The following E2F7 variants were observed in gnomAD, a reference collection of about 807,000 sequenced individuals.
The protein encoded by E2F7 is E2F transcription factor 7, also known as transcription factor E2F7.
E2F7 carries 35 observed loss-of-function variants against 81.1 expected under a neutral mutation model. That is an observed-to-expected ratio of 0.43 (90% CI 0.33 to 0.57). The LOEUF is 0.57. Ranked by LOEUF, E2F7 falls within the 20% of genes least tolerant of loss-of-function variation. E2F7 has a pLI of 0.04. For missense variants in E2F7, 961 were observed against 1,093.7 expected (o/e 0.88, Z 1.71); for synonymous variants, 416 against 416.2 (o/e 1.00, Z 0.01).
Position 77,025,614 on chromosome 12 carries a change from G to T in E2F7, c.2509C>A (p.Gln837Lys), listed in dbSNP as rs1954750553. ...VMSRSHSVVQ[Q>K]PESPVYVGHP... is the part of the protein sequence containing the mutation. ...CCCACGTAAACGGGGGACTCAGGTTGTTGGACGACACTGTGTGACCTTGAC... is the reference window on the plus strand; with the variant it reads ...CCCACGTAAACGGGGGACTCAGGTTTTTGGACGACACTGTGTGACCTTGAC... Residue 837 changes from glutamine (Q) to lysine (K), a missense_variant, in exon 12 of 13, where the codon CAA becomes AAA. Physicochemically the swap from Gln to Lys is moderately conservative, Grantham distance 53. Coordinates refer to ENST00000322886, the MANE Select transcript of E2F7 (RefSeq NM_203394.3). The T allele has an allele frequency of 6.2e-7, 1 of 1,614,208 alleles. No individual in the cohort carries two copies. Among genetic ancestry groups the T allele is most frequent in the Non-Finnish European group, 8.5e-7 (1 of 1,180,050 alleles).
chr12:77,024,327 C>G (rs1954741146), intron 12 of E2F7, 142 bp from the exon 13 acceptor site: 1 of 862,100 alleles, frequency 1.2e-6, no homozygotes, highest in African/African-American at 1.7e-5. Flanking sequence ...ACACTTACCC[C>G]GTTTGTCTCC....
At chr12:77,052,326 A>G (rs1954996807) in intron 3 of E2F7, among the ~76,000 whole-genome samples, 1 of 152,164 alleles carries the variant, frequency 6.6e-6, no homozygotes, top group Non-Finnish European at 1.5e-5. Flanking sequence ...ATTTTACCTG[A>G]TATCAGTGCT....
Position 77,023,459 on chromosome 12 carries a change from G to A in E2F7, c.*556C>T, listed in dbSNP as rs369653168. The A allele has an allele frequency of 6.6e-6, 1 of 152,624 alleles. No homozygotes were observed. The highest frequency in any genetic ancestry group is 6.5e-5 in the Admixed American group (1 of 15,270). The allele number at this position is 152,624 out of a possible 1,614,324, so 9.5% of individuals were successfully genotyped here. On this transcript the variant is annotated 3_prime_UTR_variant, in exon 13 of 13. Coordinates refer to ENST00000322886, the MANE Select transcript of E2F7 (RefSeq NM_203394.3). ...GAATAAAAGTATAAACATTCAAGTC[G>A]TCATACCCTGAAAAAAATGTGTTAA... is the stretch of plus-strand genomic sequence containing the variant.
intron 7 of E2F7, among the ~76,000 whole-genome samples, chr12:77,038,784 G>A (rs1013655433): frequency 6.6e-6 from 1 of 152,170 alleles, no homozygotes; most frequent in African/African-American, 2.4e-5. Context: ...TTAAAAAATT[G>A]TAATCTGTAG....
chr12:77,043,389 G>C (rs1231631204), intron 6 of E2F7, among the ~76,000 whole-genome samples, 190 bp from the exon 7 acceptor site: 1 of 151,986 alleles, frequency 6.6e-6, no homozygotes. Flanking sequence ...TGAAGGCTAA[G>C]GGAAGGTCAG....
At chr12:77,042,949 A>C (rs781013052) in intron 7 of E2F7, 116 bp downstream of exon 7, 1 of 1,513,130 alleles carries the variant, frequency 6.6e-7, no homozygotes, top group Non-Finnish European at 9.0e-7. Context: ...TCACTAGTCT[A>C]TTTTGTATGT....
rs780243714 is a variant in E2F7 at position 77,033,086 on chromosome 12, G to A, written c.1346C>T (p.Ala449Val). The change falls in exon 9 of 13, where the codon GCA (alanine) becomes GTA (valine). Residue 449 changes from alanine (A) to valine (V), a missense_variant. Physicochemically the swap from Ala to Val is moderately conservative, Grantham distance 64. This residue lies in a region of E2F7 where 587 missense variants were observed against 620.3 expected (regional missense o/e 0.95). Coordinates refer to ENST00000322886, the MANE Select transcript of E2F7 (RefSeq NM_203394.3). ...TTCTATTTTCTGTCTATAGACAGCT[G>A]CCAGGCTTCCAATTTCTAAAGAGTA... is the stretch of plus-strand genomic sequence containing the variant. ...GGYSLEIGSL[A>V]AVYRQKIEDN... The A allele has an allele frequency of 1.2e-6, 2 of 1,613,834 alleles. No homozygotes were observed. The highest frequency in any genetic ancestry group is 2.2e-5 in the South Asian group (2 of 91,032).
chr12:77,026,093 A>G (rs745367005), intron 11 of E2F7, 111 bp from the exon 12 acceptor site: 28 of 1,267,266 alleles, frequency 2.2e-5, no homozygotes, highest in Non-Finnish European at 2.3e-5. Context: ...AAATCAATGA[A>G]TGATGAGACC....
chr12:77,025,879 TA>T lies in E2F7; in HGVS notation c.2243del (p.Leu748TyrfsTer34). Reference protein sequence around the residue: ...LPSFSVPCMVLPSPPLGPFPV... With the variant: ...LPSFSVPCMVXPSPPLGPFPV... ...GAAAAGGGCCCAGAGGTGGAGATGG[TA>T]AGACCATGCAAGGGACACTGAAAGA... On this transcript the variant is annotated frameshift_variant, in exon 12 of 13. Transcript: ENST00000322886. LOFTEE classifies it high-confidence loss of function. The T allele has an allele frequency of 6.2e-7, 1 of 1,613,998 alleles. No homozygotes were observed. Among genetic ancestry groups the T allele is most frequent in the Non-Finnish European group, 8.5e-7 (1 of 1,179,976 alleles).
intron 7 of E2F7, among the ~76,000 whole-genome samples, chr12:77,036,891 G>A (rs901978634): frequency 1.3e-5 from 2 of 151,988 alleles, no homozygotes; most frequent in African/African-American, 4.8e-5. Context: ...ACAGGCGCCC[G>A]CCACCACGCC....
chr12:77,045,217 A>G (rs548504189), intron 5 of E2F7, among the ~76,000 whole-genome samples: 1 of 152,320 alleles, frequency 6.6e-6, no homozygotes, highest in Admixed American at 6.5e-5. Context: ...TGTGTCCGCA[A>G]TATCTAGACT....
At position 77,023,833 on chromosome 12, in the gene E2F7, A is replaced by G; in HGVS notation, c.*182T>C. The stretch of plus-strand genomic sequence containing the variant: ...ATGCAGAGTCGGAACTCTAACTGGT[A>G]TTAAATGCACAATTAATTACTTTCA... On this transcript the variant is annotated 3_prime_UTR_variant, in exon 13 of 13. Coordinates refer to ENST00000322886, the MANE Select transcript of E2F7 (RefSeq NM_203394.3). The G allele has an allele frequency of 1.4e-6, 1 of 713,690 alleles. No individual in the cohort carries two copies. The highest frequency in any genetic ancestry group is 2.2e-6 in the Non-Finnish European group (1 of 451,148). 44.2% of individuals were successfully genotyped at this position (713,690 alleles called of 1,614,324 possible).
chr12:77,034,555 C>A (rs556063419), intron 7 of E2F7, among the ~76,000 whole-genome samples: 1 of 152,218 alleles, frequency 6.6e-6, no homozygotes, highest in African/African-American at 2.4e-5. Flanking sequence ...TACTACGTGA[C>A]CAAAGGAATA....
chr12:77,049,729 G>C (rs1954970933), intron 4 of E2F7, among the ~76,000 whole-genome samples: 1 of 152,034 alleles, frequency 6.6e-6, no homozygotes, highest in East Asian at 1.9e-4. Context: ...TCCTCTACTT[G>C]GGCACATTTC....
In E2F7 at chr12:77,023,946, T is replaced by A. The variant is rs867554087; in HGVS notation, c.*69A>T. Reference sequence around the variant, plus strand: ...GACCCGTGCTCAGGACGGGATGGTTTGCATCCCGCCTCGGACATCCGGGAC... The same window carrying A: ...GACCCGTGCTCAGGACGGGATGGTTAGCATCCCGCCTCGGACATCCGGGAC... On this transcript the variant is annotated 3_prime_UTR_variant, in exon 13 of 13. Transcript: ENST00000322886. 1.2e-5 allele frequency: 19 copies of A among 1,558,018 alleles called. 1 individual carries two copies. In the Middle Eastern group the frequency reaches 2.6e-3, roughly 214 times the overall value.
intron 11 of E2F7, among the ~76,000 whole-genome samples, chr12:77,026,390 C>T (rs1196021636): frequency 2.0e-5 from 3 of 152,112 alleles, no homozygotes; most frequent in Middle Eastern, 3.2e-3. Flanking sequence ...GTAGCCTCAC[C>T]CTCCTGGGCT....
intron 7 of E2F7, among the ~76,000 whole-genome samples, chr12:77,039,727 C>G (rs902721960): frequency 6.6e-6 from 1 of 152,182 alleles, no homozygotes; most frequent in Non-Finnish European, 1.5e-5. Flanking sequence ...AATGTTATAA[C>G]TGCTTTGGAA....
At chr12:77,035,083 T>G (rs1402246259) in intron 7 of E2F7, among the ~76,000 whole-genome samples, 3 of 152,202 alleles carry the variant, frequency 2.0e-5, no homozygotes, top group African/African-American at 7.2e-5. Context: ...GACAGTGATC[T>G]CTGTGAGACA....
intron 2 of E2F7, 79 bp downstream of exon 2, chr12:77,064,464 T>C (rs532432938): frequency 2.4e-5 from 27 of 1,109,242 alleles, no homozygotes; most frequent in Non-Finnish European, 3.7e-5. Flanking sequence ...CAAATACAAA[T>C]GGCATGTTGG....
Sources: gnomAD v4.1 joint callset for allele counts (sites outside exome capture counted in the v4.1 genomes callset) on GRCh38, gnomAD v4.1.1 for gene constraint, gnomAD v4.1.1 regional missense constraint, MANE v1.5 for transcripts, NCBI Gene and HGNC (gene_info 2026-07-23, HGNC 2026-07-21) for gene names.